The following SLC9A9 variants were observed in gnomAD, a reference collection of about 807,000 sequenced individuals.
SLC9A9 encodes sodium/hydrogen exchanger 9.
SLC9A9 carries 62 observed loss-of-function variants against 77.8 expected under a neutral mutation model. The ratio of observed to expected loss-of-function variants is 0.80; its 90% CI spans 0.65 to 0.98. The LOEUF (loss-of-function observed/expected upper bound fraction) is 0.98. Ranked by LOEUF, SLC9A9 falls within the 50% of genes least tolerant of loss-of-function variation. SLC9A9 has a pLI of 0.00. For missense variants in SLC9A9, 775 were observed against 774.9 expected (o/e 1.00, Z 0.00); for synonymous variants, 320 against 283.5 (o/e 1.13, Z -1.29).
intron 4 of SLC9A9, among the ~76,000 whole-genome samples, chr3:143,783,328 C>T (rs973819829): frequency 4.6e-5 from 7 of 152,208 alleles, no homozygotes; most frequent in East Asian, 1.9e-4. Context: ...GGCTCTACCT[C>T]GCTGCTGCCC....
chr3:143,378,657 T>A (rs1477774818), intron 13 of SLC9A9, among the ~76,000 whole-genome samples: 1 of 152,188 alleles, frequency 6.6e-6, no homozygotes, highest in East Asian at 1.9e-4. Context: ...TCTGAAAAGG[T>A]GTGCTTTCAA....
intron 7 of SLC9A9, among the ~76,000 whole-genome samples, chr3:143,574,785 T>G (rs1278857875): frequency 6.6e-6 from 1 of 152,176 alleles, no homozygotes; most frequent in Admixed American, 6.5e-5. Context: ...TGGTTCATTT[T>G]GACAAGGATG....
intron 14 of SLC9A9, among the ~76,000 whole-genome samples, chr3:143,344,215 G>A (rs535288329): frequency 6.6e-6 from 1 of 152,074 alleles, no homozygotes; most frequent in African/African-American, 2.4e-5. Flanking sequence ...TATGACTACC[G>A]AGCTTTCATA....
intron 9 of SLC9A9, among the ~76,000 whole-genome samples, chr3:143,528,222 T>C (rs2108619006): frequency 6.6e-6 from 1 of 152,336 alleles, no homozygotes; most frequent in East Asian, 1.9e-4. Context: ...GTGACCTCAG[T>C]CAGGTTACTT....
intron 14 of SLC9A9, among the ~76,000 whole-genome samples, chr3:143,320,749 C>T (rs1478465114): frequency 1.3e-5 from 2 of 152,122 alleles, no homozygotes; most frequent in East Asian, 3.8e-4. Context: ...CAATCATATG[C>T]CCCCAAAAGA....
At chr3:143,680,180 C>T (rs1340573352) in intron 5 of SLC9A9, among the ~76,000 whole-genome samples, 1 of 152,048 alleles carries the variant, frequency 6.6e-6, no homozygotes, top group African/African-American at 2.4e-5. Context: ...TGAATCTATA[C>T]TTTTATGTCT....
chr3:143,317,157 A>G (rs1381330686), intron 14 of SLC9A9, among the ~76,000 whole-genome samples: 1 of 152,108 alleles, frequency 6.6e-6, no homozygotes, highest in Non-Finnish European at 1.5e-5. Flanking sequence ...TCTAATGTCA[A>G]CCCCTCAGTG....
chr3:143,392,108 A>T (rs1327916563), intron 12 of SLC9A9, among the ~76,000 whole-genome samples: 1 of 152,172 alleles, frequency 6.6e-6, no homozygotes, highest in Non-Finnish European at 1.5e-5. Flanking sequence ...GAACGCCACA[A>T]ACATACTCCT....
chr3:143,501,617 A>G (rs565008282), intron 9 of SLC9A9, among the ~76,000 whole-genome samples: 77 of 151,150 alleles, frequency 5.1e-4, no homozygotes, highest in Non-Finnish European at 8.5e-4. Flanking sequence ...CAGTTTTTAA[A>G]AACCTTTGAC....
At position 143,430,051 on chromosome 3, in the gene SLC9A9, C is replaced by T. The variant is rs555830681; in HGVS notation, c.1469+36986G>A. On this transcript the variant is annotated intron_variant, in intron 12 of 15. Transcript: ENST00000316549. ...TTCCAAGTTTAGGTTCAAGCCACAG[C>T]GGCTTGACAGCTATTAGAATAAGAA... Among the ~76,000 whole-genome samples, 499 of 152,266 alleles carry T rather than the reference C, an allele frequency of 3.3e-3. 3 individuals carry two copies. The highest frequency in any genetic ancestry group is 0.012 in the African/African-American group (481 of 41,540).
intron 4 of SLC9A9, among the ~76,000 whole-genome samples, chr3:143,713,532 A>G (rs573275335): frequency 2.0e-5 from 3 of 152,332 alleles, no homozygotes; most frequent in South Asian, 2.1e-4. Flanking sequence ...AAAGAGTCAG[A>G]GCAGCTTATT....
chr3:143,311,391 T>C (rs150367100), intron 14 of SLC9A9, among the ~76,000 whole-genome samples: 1 of 152,324 alleles, frequency 6.6e-6, no homozygotes, highest in East Asian at 1.9e-4. Flanking sequence ...GGGCATACAA[T>C]TAAGTGGCAG....
At chr3:143,742,380 C>T (rs1364023223) in intron 4 of SLC9A9, among the ~76,000 whole-genome samples, 2 of 152,208 alleles carry the variant, frequency 1.3e-5, no homozygotes, top group African/African-American at 2.4e-5. Context: ...GCGTGAATTA[C>T]TCTTTCTCTA....
Position 143,524,165 on chromosome 3 carries a change from G to T in SLC9A9, c.1089+28197C>A, listed in dbSNP as rs2108615841. ...GCTCCTATTATCTACAATGAAAAATGCTACACTGAAGATAGAAAAAAAAAA... is the reference window on the plus strand; with the variant it reads ...GCTCCTATTATCTACAATGAAAAATTCTACACTGAAGATAGAAAAAAAAAA... On this transcript the variant is annotated intron_variant, in intron 9 of 15. Transcript: ENST00000316549. Among the ~76,000 whole-genome samples, 3 of 126,266 alleles carry T rather than the reference G, an allele frequency of 2.4e-5. No homozygotes were observed. In the Admixed American group the frequency reaches 2.7e-4, roughly 11 times the overall value. 82.8% of individuals were successfully genotyped at this position (126,266 alleles called of 152,430 possible). A position where few individuals can be genotyped will look rare whatever the true frequency, so the allele number is the denominator to read the frequency against.
chr3:143,732,105 G>A (rs1016713297), intron 4 of SLC9A9, among the ~76,000 whole-genome samples: 1 of 152,208 alleles, frequency 6.6e-6, no homozygotes, highest in Non-Finnish European at 1.5e-5. Context: ...ACTAGGAGCT[G>A]TCACTTGATG....
intron 14 of SLC9A9, among the ~76,000 whole-genome samples, chr3:143,362,673 A>C (rs577327851): frequency 1.8e-4 from 27 of 152,230 alleles, no homozygotes; most frequent in Non-Finnish European, 3.1e-4. Flanking sequence ...TTTCTCACTG[A>C]AAGGAGAGGG....
At chr3:143,419,074 T>A (rs1243341465) in intron 12 of SLC9A9, among the ~76,000 whole-genome samples, 1 of 152,212 alleles carries the variant, frequency 6.6e-6, no homozygotes, top group African/African-American at 2.4e-5. Context: ...GTAATTTAAT[T>A]TGTGGAATGC....
chr3:143,266,066 C>A lies in SLC9A9; in HGVS notation c.*636G>T. On this transcript the variant is annotated 3_prime_UTR_variant, in exon 16 of 16. Transcript: ENST00000316549. The stretch of plus-strand genomic sequence containing the variant: ...CAGGGCACACCCAGCCATAGGCAAC[C>A]CCTTTGAGCGATGGGAGAAGTAGCA... 1 of 702,320 alleles carries A rather than the reference C, an allele frequency of 1.4e-6. No homozygotes were observed. The highest frequency in any genetic ancestry group is 1.5e-5 in the South Asian group (1 of 67,572). 43.5% of individuals were successfully genotyped at this position (702,320 alleles called of 1,614,324 possible).
At chr3:143,654,826 C>A (rs1398616573) in intron 5 of SLC9A9, among the ~76,000 whole-genome samples, 1 of 152,094 alleles carries the variant, frequency 6.6e-6, no homozygotes, top group Non-Finnish European at 1.5e-5. Context: ...CTTATGGAGC[C>A]CCTCTGCCCT....
Sources: allele counts gnomAD v4.1 joint callset (sites outside exome capture counted in the v4.1 genomes callset), GRCh38; gene constraint gnomAD v4.1.1; transcripts MANE v1.5; gene names NCBI Gene and HGNC (gene_info 2026-07-23, HGNC 2026-07-21).